ADGRB3: variants seen among roughly 807,000 people sequenced by gnomAD.
The protein encoded by ADGRB3 is adhesion G protein-coupled receptor B3.
Under a neutral mutation model 193.4 loss-of-function variants are expected in ADGRB3, and 37 were observed. That is an observed-to-expected ratio of 0.19 (90% CI 0.15 to 0.25). The LOEUF is 0.25. ADGRB3 is among the 10% of genes least tolerant of loss of function. The pLI is 1.00. For synonymous variants in ADGRB3, 690 were observed against 644.2 expected (o/e 1.07, Z -1.08); for missense variants, 1,637 against 1,852.9 (o/e 0.88, Z 2.14).
intron 17 of ADGRB3, among the ~76,000 whole-genome samples, chr6:69,138,457 A>G (rs1443818464): frequency 1.3e-5 from 2 of 152,208 alleles, no homozygotes; most frequent in Admixed American, 6.5e-5. Context: ...GCCAGTGTTC[A>G]AGTGTTCACC....
Position 68,639,207 on chromosome 6 carries a change from T to G in ADGRB3, c.532T>G (p.Cys178Gly). The change falls in exon 3 of 32, where the codon TGC (cysteine) becomes GGC (glycine). Residue 178 changes from cysteine (C) to glycine (G), a missense_variant. Physicochemically the swap from Cys to Gly is radical, Grantham distance 159 (BLOSUM62 -3). Around this residue, in one of 7 missense-constraint regions of ADGRB3, gnomAD observed 365 missense variants for 409.8 expected, o/e 0.89. Coordinates refer to ENST00000370598, the MANE Select transcript of ADGRB3 (RefSeq NM_001704.3). The stretch of plus-strand genomic sequence containing the variant: ...TGTATTATGTACTTGGTTGGAGAGC[T>G]GCTTAAAATCAGAAAATGGGAGAAC... ...CHVLCTWLES[C>G]LKSENGRTES... The G allele has an allele frequency of 6.2e-7, 1 of 1,614,162 alleles. No individual in the cohort carries two copies. Among genetic ancestry groups the G allele is most frequent in the Non-Finnish European group, 8.5e-7 (1 of 1,180,016 alleles).
chr6:69,307,006 C>T (rs1768080499), intron 20 of ADGRB3, among the ~76,000 whole-genome samples: 1 of 151,326 alleles, frequency 6.6e-6, no homozygotes, highest in African/African-American at 2.4e-5. Flanking sequence ...GCCTGCTACA[C>T]CCTTACTCTC....
Position 69,060,186 on chromosome 6 carries a change from TTCTCTCTCTCTCTTTCTCTG to T in ADGRB3, c.2334-2728_2334-2709del, listed in dbSNP as rs990311414. Among the ~76,000 whole-genome samples the T allele has an allele frequency of 1.9e-4, 25 of 131,916 alleles. No individual in the cohort carries two copies. In the East Asian group the frequency reaches 4.0e-3, roughly 21 times the overall value. The allele number at this position is 131,916 out of a possible 152,430, so 86.5% of individuals were successfully genotyped here. The stretch of plus-strand genomic sequence containing the variant: ...ATATTAAAACATACACACATTTTCT[TTCTCTCTCTCTCTTTCTCTG>T]TCTCTCTCTCTCTTTCTCTCTCTCT... On this transcript the variant is annotated intron_variant, in intron 15 of 31. Transcript: ENST00000370598.
chr6:68,665,497 T>A (rs1476234526), intron 3 of ADGRB3, among the ~76,000 whole-genome samples: 1 of 151,792 alleles, frequency 6.6e-6, no homozygotes, highest in Non-Finnish European at 1.5e-5. Flanking sequence ...CTTGAATATC[T>A]CTGGAGGAAA....
intron 3 of ADGRB3, among the ~76,000 whole-genome samples, chr6:68,892,693 G>A (rs577599166): frequency 6.6e-5 from 10 of 152,152 alleles, no homozygotes; most frequent in African/African-American, 1.9e-4. Context: ...ATACCAATAC[G>A]AATATGTAAC....
intron 17 of ADGRB3, among the ~76,000 whole-genome samples, chr6:69,118,895 A>G (rs958679245): frequency 1.3e-5 from 2 of 152,188 alleles, no homozygotes; most frequent in African/African-American, 4.8e-5. Context: ...CTCTTTGGTA[A>G]CAATATTCTA....
chr6:68,879,001 G>A (rs538880132), intron 3 of ADGRB3, among the ~76,000 whole-genome samples: 9 of 152,148 alleles, frequency 5.9e-5, no homozygotes, highest in South Asian at 4.1e-4. Context: ...ATCTCCCACC[G>A]GCTCTCTTTC....
rs143455029 is a variant in ADGRB3, at chr6:69,298,164, G to C, written c.2815-26708G>C. Among the ~76,000 whole-genome samples the C allele has an allele frequency of 4.5e-3, 681 of 152,008 alleles. 26 individuals are homozygous for C. Among genetic ancestry groups the C allele is most frequent in the Admixed American group, 0.041 (618 of 15,236 alleles). ...AGAAGGACTATTGCAACAGGGGAGA[G>C]AGATTGAACGCAACTCTGCAGAAAC... On this transcript the variant is annotated intron_variant, in intron 20 of 31. Coordinates refer to ENST00000370598, the MANE Select transcript of ADGRB3 (RefSeq NM_001704.3).
rs185509146 is a variant in ADGRB3 at position 68,822,604 on chromosome 6, A to G, written c.758-107955A>G. On this transcript the variant is annotated intron_variant, in intron 3 of 31. Coordinates refer to ENST00000370598, the MANE Select transcript of ADGRB3 (RefSeq NM_001704.3). ...ATTAGAATTCAAAAGCTACCATTCA[A>G]GGTCCACCTGATATCTATTTGAATC... 1.1e-4 allele frequency among the ~76,000 whole-genome samples: 16 copies of G among 152,090 alleles called. No homozygotes were observed. In the South Asian group the frequency reaches 2.1e-3, roughly 20 times the overall value.
chr6:69,338,761 T>C (rs1323243141), intron 24 of ADGRB3, among the ~76,000 whole-genome samples, 155 bp from the exon 25 acceptor site: 1 of 152,238 alleles, frequency 6.6e-6, no homozygotes, highest in Admixed American at 6.5e-5. Flanking sequence ...TAATTTGTAG[T>C]ATAAATGCAT....
At chr6:69,366,188 G>A (rs1029389613) in intron 29 of ADGRB3, among the ~76,000 whole-genome samples, 1 of 151,324 alleles carries the variant, frequency 6.6e-6, no homozygotes, top group African/African-American at 2.4e-5. Context: ...CTTTTTTACT[G>A]TTTTGCTTTT....
chr6:68,753,771 A>G (rs1219025147), intron 3 of ADGRB3, among the ~76,000 whole-genome samples: 1 of 152,182 alleles, frequency 6.6e-6, no homozygotes, highest in African/African-American at 2.4e-5. Context: ...AAAATAAAGC[A>G]GCCTGGTGCT....
intron 17 of ADGRB3, among the ~76,000 whole-genome samples, chr6:69,202,827 GA>G (rs1271492157): frequency 3.9e-5 from 6 of 152,106 alleles, no homozygotes; most frequent in African/African-American, 1.2e-4. Flanking sequence ...TTCCCTGGTT[GA>G]AAAAGTGATA....
intron 17 of ADGRB3, among the ~76,000 whole-genome samples, chr6:69,149,976 T>TGTGTGTGTGTGTG: frequency 1.0e-5 from 1 of 95,518 alleles, no homozygotes; most frequent in African/African-American, 4.2e-5. Context: ...GTGTGTGTGT[T>TGTGTGTGTGTGTG]GAGATCCCTG....
At chr6:69,383,087 C>T in intron 31 of ADGRB3, 152 bp downstream of exon 31, 1 of 446,726 alleles carries the variant, frequency 2.2e-6, no homozygotes, top group Non-Finnish European at 3.9e-6. Flanking sequence ...GAAAGTCTAC[C>T]AAGACAAATT....
chr6:69,140,154 G>A (rs907226893), intron 17 of ADGRB3, among the ~76,000 whole-genome samples: 1 of 152,110 alleles, frequency 6.6e-6, no homozygotes, highest in East Asian at 1.9e-4. Flanking sequence ...AAGATTAATA[G>A]CAATATACTA....
intron 17 of ADGRB3, among the ~76,000 whole-genome samples, chr6:69,123,815 C>T (rs1206532550): frequency 1.3e-5 from 2 of 151,962 alleles, no homozygotes; most frequent in Non-Finnish European, 2.9e-5. Flanking sequence ...AATGTGACCA[C>T]AGAAGAGTGA....
chr6:68,769,701 TAA>T (rs760474242), intron 3 of ADGRB3, among the ~76,000 whole-genome samples: 25 of 151,978 alleles, frequency 1.6e-4, no homozygotes, highest in East Asian at 3.9e-4. Context: ...ACAAAATAAA[TAA>T]GTCTTTATTC....
intron 16 of ADGRB3, among the ~76,000 whole-genome samples, chr6:69,068,341 G>T (rs1419135723): frequency 6.6e-6 from 1 of 152,054 alleles, no homozygotes; most frequent in African/African-American, 2.4e-5. Flanking sequence ...GGACGTAAAA[G>T]AAAAAGACAT....
Sources: allele counts gnomAD v4.1 joint callset (sites outside exome capture counted in the v4.1 genomes callset), GRCh38; gene constraint gnomAD v4.1.1; regional missense constraint gnomAD v4.1.1; transcripts MANE v1.5; gene names NCBI Gene and HGNC (gene_info 2026-07-23, HGNC 2026-07-21).